Variants in CFH observed in about 807,000 individuals in gnomAD.
The protein encoded by CFH is H factor 1 (complement).
A neutral mutation model predicts 147.3 loss-of-function variants in CFH; 53 were observed. That is an observed-to-expected ratio of 0.36 (90% CI 0.29 to 0.45). CFH has a LOEUF of 0.45. Among genes scored for constraint, CFH ranks in the 20% least tolerant of loss-of-function variants. The probability of loss-of-function intolerance (pLI) is 1.00; values close to 1 mark genes in which losing one functional copy is unlikely to be tolerated. For missense variants in CFH, 1,380 were observed against 1,498.0 expected (o/e 0.92, Z 1.30); for synonymous variants, 536 against 489.4 (o/e 1.10, Z -1.26).
intron 11 of CFH, among the ~76,000 whole-genome samples, chr1:196,719,156 T>C (rs1362670187): frequency 6.6e-6 from 1 of 151,978 alleles, no homozygotes; most frequent in Non-Finnish European, 1.5e-5. Context: ...TGAAGAAAAA[T>C]ATTTCTAATT....
intron 4 of CFH, 95 bp from the exon 5 acceptor site, chr1:196,677,381 C>T: frequency 8.7e-7 from 1 of 1,143,332 alleles, no homozygotes; most frequent in Non-Finnish European, 1.3e-6. Context: ...GTAATTTCCT[C>T]CAATCTTATC....
intron 1 of CFH, among the ~76,000 whole-genome samples, chr1:196,664,292 C>T (rs1023331282): frequency 6.6e-6 from 1 of 152,088 alleles, no homozygotes; most frequent in African/African-American, 2.4e-5. Context: ...GACTCCTGGG[C>T]TCAAGGGGAT....
In CFH at chr1:196,742,055, C is replaced by A. The variant is rs374729595; in HGVS notation, c.3133+4C>A. 1.9e-6 allele frequency: 3 copies of A among 1,613,730 alleles called. No individual in the cohort carries two copies. Among genetic ancestry groups the A allele is most frequent in the Non-Finnish European group, 1.7e-6 (2 of 1,179,832 alleles). On this transcript the variant is annotated splice_donor_region_variant and intron_variant, in intron 19 of 21. Coordinates refer to ENST00000367429, the MANE Select transcript of CFH (RefSeq NM_000186.4). ...ACAGGAAGGCCAACATGCAGAGGTA[C>A]TTTGGTGAATTTTCAAAATTTATTT...
chr1:196,709,601 G>A (rs1252906648), intron 9 of CFH, among the ~76,000 whole-genome samples: 2 of 152,112 alleles, frequency 1.3e-5, no homozygotes, highest in East Asian at 3.9e-4. Context: ...ATGATTTCAG[G>A]AAAATCAGCA....
chr1:196,702,678 G>C (rs1288171582), intron 9 of CFH, among the ~76,000 whole-genome samples: 1 of 152,192 alleles, frequency 6.6e-6, no homozygotes, highest in East Asian at 1.9e-4. Context: ...TAAGGAAAAG[G>C]CTGATCTTAT....
chr1:196,683,417 CTAGGTAG>C (rs1667721274), intron 6 of CFH, among the ~76,000 whole-genome samples: 1 of 151,582 alleles, frequency 6.6e-6, no homozygotes, highest in African/African-American at 2.4e-5. Context: ...AGGTCAGAAA[CTAGGTAG>C]TAGTGAGTTA....
chr1:196,713,909 C>G lies in CFH; in HGVS notation c.1511C>G (p.Thr504Arg), dbSNP rs377008918. 5.0e-6 allele frequency: 8 copies of G among 1,611,644 alleles called. No individual in the cohort carries two copies. The Admixed American group carries it at 1.3e-4, about 27-fold the overall frequency. The change falls in exon 10 of 22, where the codon ACG (threonine) becomes AGG (arginine). Residue 504 changes from threonine to arginine, a missense_variant. This residue lies in a region of CFH where 830 missense variants were observed against 821.4 expected (regional missense o/e 1.01). Coordinates refer to ENST00000367429, the MANE Select transcript of CFH (RefSeq NM_000186.4). ...AAAGATGGATGGTCAGCTCAACCCA[C>G]GTGCATTAGTAAGTAATTTATTATG... is the stretch of plus-strand genomic sequence containing the variant. ...CGKDGWSAQP[T>R]CIKSCDIPVF...
chr1:196,679,899 G>A (rs187700819), intron 6 of CFH, 106 bp downstream of exon 6: 156 of 1,011,862 alleles, frequency 1.5e-4, no homozygotes, highest in Non-Finnish European at 2.2e-4. Context: ...GCTAATTTAT[G>A]TAAATAAACT....
At chr1:196,692,308 A>C (rs917136656) in intron 9 of CFH, 1 of 420,012 alleles carries the variant, frequency 2.4e-6, no homozygotes, top group Non-Finnish European at 3.2e-6. Flanking sequence ...TTTTTGCTTC[A>C]TCAGTCTCTT....
rs189860426 is a variant in CFH at position 196,684,485 on chromosome 1, A to G, written c.791-579A>G. On this transcript the variant is annotated intron_variant, in intron 6 of 21. Coordinates refer to ENST00000367429, the MANE Select transcript of CFH (RefSeq NM_000186.4). ...CTCATTGTATTAATTGTAAGAATCA[A>G]GTGACAGAAACATCATTTTTTTTCA... Among the ~76,000 whole-genome samples the G allele has an allele frequency of 3.0e-3, 459 of 152,158 alleles. 6 individuals carry two copies. The highest frequency in any genetic ancestry group is 0.01 in the African/African-American group (435 of 41,552).
rs747516478 is a variant in CFH, at chr1:196,715,687, T to G, written c.1614T>G (p.Asp538Glu). The stretch of plus-strand genomic sequence containing the variant: ...ACACATTGGACTATGAATGCCATGA[T>G]GGTTATGAAAGCAATACTGGAAGCA... The part of the protein sequence containing the change: ...LNDTLDYECH[D>E]GYESNTGSTT... The change falls in exon 11 of 22, where the codon GAT becomes GAG. Residue 538 changes from aspartate to glutamate, a missense_variant. By Grantham distance (45) the Asp-to-Glu change is conservative. Around this residue, in one of 4 missense-constraint regions of CFH, gnomAD observed 830 missense variants for 821.4 expected, o/e 1.01. Coordinates refer to ENST00000367429, the MANE Select transcript of CFH (RefSeq NM_000186.4). The G allele has an allele frequency of 1.9e-6, 3 of 1,612,928 alleles. No homozygotes were observed. The highest frequency in any genetic ancestry group is 2.5e-6 in the Non-Finnish European group (3 of 1,179,236).
intron 10 of CFH, 136 bp downstream of exon 10, chr1:196,714,053 T>C: frequency 1.3e-6 from 1 of 756,754 alleles, no homozygotes; most frequent in East Asian, 2.7e-5. Context: ...AAAGCAGACA[T>C]CAATTTTTTT....
rs529569308 is a variant in CFH, at chr1:196,721,929, T to C, written c.1697-3192T>C. On this transcript the variant is annotated intron_variant, in intron 11 of 21. Transcript: ENST00000367429. ...TCCATACCTTTACCATGAGTTTGTA[T>C]AGGTTTCTCTAAGTTAGGTGGGTTT... is the stretch of plus-strand genomic sequence containing the variant. Among the ~76,000 whole-genome samples, 24 of 152,094 alleles carry C rather than the reference T, an allele frequency of 1.6e-4. 1 individual carries two copies. Among genetic ancestry groups the C allele is most frequent in the African/African-American group, 5.1e-4 (21 of 41,552 alleles).
At chr1:196,728,269 CTTTAT>C (rs1669194749) in intron 14 of CFH, 72 bp from the exon 15 acceptor site, 1 of 1,038,906 alleles carries the variant, frequency 9.6e-7, no homozygotes, top group East Asian at 2.7e-5. Flanking sequence ...ATACTATTTA[CTTTAT>C]AACTATTTTT....
In CFH at chr1:196,726,753, T is replaced by G; in HGVS notation, c.2057-8T>G. 3 of 1,613,718 alleles carry G rather than the reference T, an allele frequency of 1.9e-6. No homozygotes were observed. Among genetic ancestry groups the G allele is most frequent in the Middle Eastern group, 1.7e-4 (1 of 6,058 alleles). On this transcript the variant is annotated splice_polypyrimidine_tract_variant and splice_region_variant and intron_variant, in intron 13 of 21. Transcript: ENST00000367429. The stretch of plus-strand genomic sequence containing the variant: ...TCACAATAAACTTTTTTTGTAAAAT[T>G]TACATAGTGGAGGAGAGTACCTGTG...
intron 9 of CFH, among the ~76,000 whole-genome samples, chr1:196,695,052 T>C (rs553189871): frequency 6.6e-6 from 1 of 152,348 alleles, no homozygotes; most frequent in East Asian, 1.9e-4. Flanking sequence ...CCATTGCTTT[T>C]GGTGTTTTAG....
chr1:196,741,369 A>C (rs1652804280), intron 18 of CFH: 1 of 177,022 alleles, frequency 5.6e-6, no homozygotes, highest in Non-Finnish European at 1.2e-5. Flanking sequence ...CCTTCTTCAC[A>C]AGGTGGCAGG....
intron 9 of CFH, among the ~76,000 whole-genome samples, chr1:196,708,513 T>G (rs1157061376): frequency 6.6e-6 from 1 of 152,168 alleles, no homozygotes; most frequent in East Asian, 1.9e-4. Context: ...AGTTTCTCCT[T>G]ACTATGCCAA....
At chr1:196,727,879 C>A (rs1669185465) in intron 14 of CFH, among the ~76,000 whole-genome samples, 1 of 152,142 alleles carries the variant, frequency 6.6e-6, no homozygotes, top group African/African-American at 2.4e-5. Context: ...ATGTCTTGAT[C>A]AGCAAGAAGG....
Sources: allele counts gnomAD v4.1 joint callset (sites outside exome capture counted in the v4.1 genomes callset), GRCh38; gene constraint gnomAD v4.1.1; regional missense constraint gnomAD v4.1.1; transcripts MANE v1.5; gene names NCBI Gene and HGNC (gene_info 2026-07-23, HGNC 2026-07-21).